The following FRMD4A variants were observed in gnomAD, a reference collection of about 807,000 sequenced individuals.
The protein encoded by FRMD4A is FERM domain containing 4A.
Under a neutral mutation model 129.1 loss-of-function variants are expected in FRMD4A, and 29 were observed. The ratio of observed to expected loss-of-function variants is 0.22; its 90% confidence interval spans 0.17 to 0.31. The LOEUF (loss-of-function observed/expected upper bound fraction) is 0.31. Among genes scored for constraint, FRMD4A ranks in the 10% least tolerant of loss-of-function variants. FRMD4A has a pLI of 1.00. For synonymous variants in FRMD4A, 634 were observed against 571.6 expected (o/e 1.11, Z -1.56); for missense variants, 1,272 against 1,375.8 (o/e 0.92, Z 1.19).
At chr10:13,699,634 T>TG (rs1159117822) in intron 14 of FRMD4A, among the ~76,000 whole-genome samples, 4 of 152,060 alleles carry the variant, frequency 2.6e-5, no homozygotes, top group Non-Finnish European at 5.9e-5. Flanking sequence ...GTACAGTGCG[T>TG]GGGGGGTCTG....
rs737235 is a variant in FRMD4A at position 14,025,843 on chromosome 10, G to A, written c.46-166931C>T. Among the ~76,000 whole-genome samples the A allele has an allele frequency of 2.9e-3, 441 of 152,236 alleles. 1 individual carries two copies. The highest frequency in any genetic ancestry group is 8.4e-3 in the African/African-American group (347 of 41,544). On this transcript the variant is annotated intron_variant, in intron 2 of 24. Transcript: ENST00000357447. The stretch of plus-strand genomic sequence containing the variant: ...TGTAATGTCCTCAAGGTTCACCCAC[G>A]GGGTAGCCTGTGTCGGACTTTCTTC...
intron 5 of FRMD4A, among the ~76,000 whole-genome samples, 164 bp downstream of exon 5, chr10:13,796,331 AC>A (rs2093118311): frequency 6.6e-6 from 1 of 151,960 alleles, no homozygotes; most frequent in Non-Finnish European, 1.5e-5. Context: ...GCACCCTCGC[AC>A]CCCGCCTTTC....
intron 2 of FRMD4A, among the ~76,000 whole-genome samples, chr10:14,135,076 T>G (rs185859184): frequency 7.1e-4 from 108 of 152,366 alleles, no homozygotes; most frequent in African/African-American, 2.5e-3. Context: ...AGAAATATTT[T>G]AAAAGTAAGA....
intron 2 of FRMD4A, among the ~76,000 whole-genome samples, chr10:14,031,922 T>A (rs958138756): frequency 1.3e-5 from 2 of 152,174 alleles, no homozygotes; most frequent in African/African-American, 4.8e-5. Flanking sequence ...CTTAGAATGA[T>A]CAATGATGTT....
At chr10:14,083,651 CT>C (rs1244854969) in intron 2 of FRMD4A, 1 of 152,224 alleles carries the variant, frequency 6.6e-6, no homozygotes, top group Non-Finnish European at 1.5e-5. Context: ...GACAGTGTCT[CT>C]AGTTGTCCCG....
intron 2 of FRMD4A, among the ~76,000 whole-genome samples, chr10:14,193,188 G>A (rs909005109): frequency 7.9e-5 from 12 of 152,174 alleles, no homozygotes; most frequent in Non-Finnish European, 1.6e-4. Flanking sequence ...TAGACTGTCT[G>A]TAAACCAATG....
At chr10:13,905,615 T>C (rs1473272678) in intron 2 of FRMD4A, among the ~76,000 whole-genome samples, 1 of 152,214 alleles carries the variant, frequency 6.6e-6, no homozygotes, top group African/African-American at 2.4e-5. Flanking sequence ...ATTTGTTGAG[T>C]GCCATGCACA....
At chr10:13,883,476 G>A (rs9703947) in intron 2 of FRMD4A, among the ~76,000 whole-genome samples, 52,817 of 151,708 alleles carry the variant, frequency 0.35, 9,349 homozygotes, top group Non-Finnish European at 0.38. Flanking sequence ...TGGGTGACAG[G>A]GTGAGACTTT....
chr10:14,042,924 C>CAAAAAAAA (rs57492155), intron 2 of FRMD4A, among the ~76,000 whole-genome samples: 8 of 62,840 alleles, frequency 1.3e-4, no homozygotes, highest in East Asian at 5.1e-4. Flanking sequence ...GACTCCATCT[C>CAAAAAAAA]AAAAAAAAAA....
In FRMD4A at chr10:14,280,868, A is replaced by G. The variant is rs370939834; in HGVS notation, c.45+49190T>C. Among the ~76,000 whole-genome samples the G allele has an allele frequency of 1.6e-4, 25 of 152,030 alleles. 1 individual carries two copies. The South Asian group carries it at 5.2e-3, about 32-fold the overall frequency. On this transcript the variant is annotated intron_variant, in intron 2 of 24. Transcript: ENST00000357447. ...AATGGTGTTCTCTCAATATCTATAC[A>G]TTGAAGCCCCAGCCCCTGTACTCAC...
intron 2 of FRMD4A, among the ~76,000 whole-genome samples, chr10:14,118,302 G>C (rs1407601408): frequency 6.6e-6 from 1 of 152,150 alleles, no homozygotes; most frequent in Admixed American, 6.5e-5. Flanking sequence ...AGCCGTTCTT[G>C]GTAGCACACT....
intron 12 of FRMD4A, among the ~76,000 whole-genome samples, chr10:13,734,176 T>C (rs10796117): frequency 0.57 from 86,167 of 151,962 alleles, 24,980 homozygotes; most frequent in Middle Eastern, 0.66. Flanking sequence ...CGCCTACAGG[T>C]GATGAGTAAC....
chr10:13,965,258 A>T (rs926659841), intron 2 of FRMD4A, among the ~76,000 whole-genome samples: 1 of 152,078 alleles, frequency 6.6e-6, no homozygotes, highest in Admixed American at 6.5e-5. Context: ...TTGTTCATGA[A>T]GGACTAGAGA....
chr10:14,172,986 A>G (rs1841552803), intron 2 of FRMD4A, among the ~76,000 whole-genome samples: 1 of 152,208 alleles, frequency 6.6e-6, no homozygotes, highest in African/African-American at 2.4e-5. Flanking sequence ...CCTACTTCTA[A>G]CATTCTCTGA....
intron 2 of FRMD4A, among the ~76,000 whole-genome samples, chr10:14,327,528 G>A (rs1045123144): frequency 6.6e-6 from 1 of 152,352 alleles, no homozygotes; most frequent in East Asian, 1.9e-4. Flanking sequence ...CACTCAATGA[G>A]TGGCAAGGCT....
chr10:13,652,126 C>G (rs1489267401), intron 23 of FRMD4A, 152 bp from the exon 24 acceptor site: 2 of 658,798 alleles, frequency 3.0e-6, no homozygotes, highest in Non-Finnish European at 5.6e-6. Context: ...ACAAGTCATG[C>G]AGTACTTTCA....
intron 2 of FRMD4A, among the ~76,000 whole-genome samples, chr10:13,952,981 G>A (rs919581072): frequency 1.3e-5 from 2 of 152,184 alleles, no homozygotes; most frequent in African/African-American, 4.8e-5. Context: ...ACAGGTGTGA[G>A]CCACCCTGCC....
At chr10:14,071,015 C>T (rs118026220) in intron 2 of FRMD4A, among the ~76,000 whole-genome samples, 2 of 152,212 alleles carry the variant, frequency 1.3e-5, no homozygotes, top group African/African-American at 2.4e-5. Flanking sequence ...AGTAAGTATT[C>T]TCTGGAAAAA....
intron 15 of FRMD4A, among the ~76,000 whole-genome samples, chr10:13,683,626 T>C (rs2084816713): frequency 6.6e-6 from 1 of 150,796 alleles, no homozygotes; most frequent in Non-Finnish European, 1.5e-5. Flanking sequence ...ATGAGACAGG[T>C]AGTAGTTGCC....
Sources: gnomAD v4.1 joint callset for allele counts (sites outside exome capture counted in the v4.1 genomes callset) on GRCh38, gnomAD v4.1.1 for gene constraint, MANE v1.5 for transcripts, NCBI Gene and HGNC (gene_info 2026-07-23, HGNC 2026-07-21) for gene names.